Variants in FIGN observed in about 807,000 individuals in gnomAD.
The protein encoded by FIGN is fidgetin, microtubule severing factor.
FIGN carries 11 observed loss-of-function variants against 51.3 expected under a neutral mutation model. That is an observed-to-expected ratio of 0.21 (90% CI 0.13 to 0.35). The LOEUF is 0.35. Among genes scored for constraint, FIGN ranks in the 10% least tolerant of loss-of-function variants. The pLI is 1.00. For missense variants in FIGN, 857 were observed against 943.6 expected, an observed-to-expected ratio of 0.91 and a Z score of 1.20; for synonymous variants, 407 against 363.2, an observed-to-expected ratio of 1.12 and a Z score of -1.37.
chr2:163,653,455 C>CTG (rs1225994959), intron 2 of FIGN, among the ~76,000 whole-genome samples: 1 of 151,906 alleles, frequency 6.6e-6, no homozygotes, highest in Non-Finnish European at 1.5e-5. Flanking sequence ...TTTTGGATAA[C>CTG]AAATTGAAGG....
chr2:163,618,529 CAT>C (rs1558997819), intron 2 of FIGN, among the ~76,000 whole-genome samples: 1 of 151,828 alleles, frequency 6.6e-6, no homozygotes, highest in East Asian at 1.9e-4. Flanking sequence ...CTGAGGGTAA[CAT>C]ATACCCTGCA....
intron 2 of FIGN, among the ~76,000 whole-genome samples, chr2:163,620,388 C>A (rs1703252882): frequency 6.6e-6 from 1 of 152,084 alleles, no homozygotes; most frequent in Admixed American, 6.6e-5. Flanking sequence ...ACTGCAGTGG[C>A]TAATGAATAT....
At chr2:163,627,491 G>A (rs890889815) in intron 2 of FIGN, among the ~76,000 whole-genome samples, 4 of 152,102 alleles carry the variant, frequency 2.6e-5, no homozygotes, top group Admixed American at 6.6e-5. Flanking sequence ...ACGGTAATGG[G>A]GAGCATGTTA....
intron 2 of FIGN, among the ~76,000 whole-genome samples, chr2:163,666,000 C>G (rs1168497800): frequency 2.6e-5 from 4 of 152,104 alleles, no homozygotes; most frequent in Non-Finnish European, 5.9e-5. Context: ...AGAAAAGGAA[C>G]CAAAAGCAAA....
intron 2 of FIGN, among the ~76,000 whole-genome samples, chr2:163,660,880 T>TATATATATATA (rs1491524841): frequency 1.0e-3 from 1 of 984 alleles, no homozygotes; most frequent in Non-Finnish European, 4.2e-3. Context: ...TATATATATA[T>TATATATATATA]TTTTTTTTTT....
At chr2:163,667,216 A>G (rs886660452) in intron 2 of FIGN, among the ~76,000 whole-genome samples, 6 of 151,090 alleles carry the variant, frequency 4.0e-5, no homozygotes, top group Non-Finnish European at 7.4e-5. Flanking sequence ...GCCATTCTAC[A>G]TTCTTTCTTT....
chr2:163,721,898 G>C (rs1684763278), intron 2 of FIGN, among the ~76,000 whole-genome samples: 2 of 152,028 alleles, frequency 1.3e-5, no homozygotes, highest in South Asian at 2.1e-4. Context: ...GCTTTTCTCT[G>C]GTACATCTTT....
intron 2 of FIGN, among the ~76,000 whole-genome samples, chr2:163,686,606 C>G (rs986435875): frequency 6.6e-6 from 1 of 152,046 alleles, no homozygotes; most frequent in South Asian, 2.1e-4. Context: ...CACAAGCACA[C>G]TAGTTTTATT....
Position 163,734,541 on chromosome 2 carries a change from C to A in FIGN, c.25+362G>T, listed in dbSNP as rs150697853. On this transcript the variant is annotated intron_variant, in intron 2 of 2. Transcript: ENST00000333129. ...CAACACTCCTGCCCTCTCCCCTTTGCCCAGCCTCCCTCCTTCAAAAAAAAA... is the reference window on the plus strand; with the variant it reads ...CAACACTCCTGCCCTCTCCCCTTTGACCAGCCTCCCTCCTTCAAAAAAAAA... Among the ~76,000 whole-genome samples, 482 of 128,624 alleles carry A rather than the reference C, an allele frequency of 3.7e-3. 3 individuals carry two copies. Among genetic ancestry groups the A allele is most frequent in the African/African-American group, 0.013 (461 of 35,766 alleles). 84.4% of individuals were successfully genotyped at this position (128,624 alleles called of 152,430 possible).
intron 2 of FIGN, among the ~76,000 whole-genome samples, chr2:163,709,677 G>A (rs1467036859): frequency 1.3e-5 from 2 of 152,014 alleles, no homozygotes; most frequent in African/African-American, 4.8e-5. Context: ...TCCATTACCC[G>A]AGAAGCCCCT....
At chr2:163,675,038 G>GA (rs1683935048) in intron 2 of FIGN, among the ~76,000 whole-genome samples, 1 of 152,146 alleles carries the variant, frequency 6.6e-6, no homozygotes, top group Admixed American at 6.6e-5. Flanking sequence ...CTTTATCTAT[G>GA]AAAGTATTTA....
At chr2:163,696,949 G>A (rs954872993) in intron 2 of FIGN, among the ~76,000 whole-genome samples, 1 of 151,134 alleles carries the variant, frequency 6.6e-6, no homozygotes, top group Non-Finnish European at 1.5e-5. Context: ...AATATTCCAG[G>A]TATGAGCCAC....
chr2:163,714,274 A>T (rs889399623), intron 2 of FIGN, among the ~76,000 whole-genome samples: 5 of 152,194 alleles, frequency 3.3e-5, no homozygotes, highest in Admixed American at 2.0e-4. Context: ...TTTGGGCCAC[A>T]CTGCATAAAG....
At chr2:163,647,388 CA>C (rs767803018) in intron 2 of FIGN, among the ~76,000 whole-genome samples, 10 of 152,074 alleles carry the variant, frequency 6.6e-5, no homozygotes, top group Non-Finnish European at 1.3e-4. Context: ...CTAATGGCAT[CA>C]AAGCACCAAA....
intron 2 of FIGN, among the ~76,000 whole-genome samples, chr2:163,732,854 C>T (rs1369211159): frequency 5.9e-5 from 9 of 152,136 alleles, no homozygotes; most frequent in African/African-American, 1.9e-4. Flanking sequence ...TCTTGATAAA[C>T]GACTTGTTCA....
At chr2:163,611,915 C>T (rs1691271360) in intron 2 of FIGN, 109 bp from the exon 3 acceptor site, 4 of 676,788 alleles carry the variant, frequency 5.9e-6, no homozygotes, top group Admixed American at 3.7e-5. Flanking sequence ...TAATGATATG[C>T]ATACTTTAAA....
At chr2:163,732,400 G>A (rs937142632) in intron 2 of FIGN, among the ~76,000 whole-genome samples, 12 of 150,208 alleles carry the variant, frequency 8.0e-5, no homozygotes, top group Non-Finnish European at 1.6e-4. Flanking sequence ...GCATGAAGGA[G>A]TAAAAGAGAG....
At chr2:163,687,603 G>T (rs754507191) in intron 2 of FIGN, among the ~76,000 whole-genome samples, 5 of 152,178 alleles carry the variant, frequency 3.3e-5, no homozygotes, top group Admixed American at 6.6e-5. Context: ...CAAGAATAGA[G>T]AATTTAGTCA....
intron 2 of FIGN, among the ~76,000 whole-genome samples, chr2:163,681,930 C>T (rs1401185092): frequency 6.6e-6 from 1 of 152,110 alleles, no homozygotes; most frequent in East Asian, 1.9e-4. Flanking sequence ...AATGTGGCTT[C>T]GAATAAGGAA....
Sources: gnomAD v4.1 joint callset for allele counts (sites outside exome capture counted in the v4.1 genomes callset) on GRCh38, gnomAD v4.1.1 for gene constraint, MANE v1.5 for transcripts, NCBI Gene and HGNC (gene_info 2026-07-23, HGNC 2026-07-21) for gene names.